The following WDR20 variants were observed in gnomAD, a reference collection of about 807,000 sequenced individuals.
WDR20 encodes the protein WD repeat-containing protein 20.
In WDR20, 3 loss-of-function variants were observed where a neutral mutation model predicts 38.7. The ratio of observed to expected loss-of-function variants is 0.08; its 90% confidence interval spans 0.04 to 0.20. The LOEUF (loss-of-function observed/expected upper bound fraction) is 0.20. Ranked by LOEUF, WDR20 falls within the 10% of genes least tolerant of loss-of-function variation. WDR20 has a pLI of 1.00. For synonymous variants in WDR20, 298 were observed against 285.6 expected, an observed-to-expected ratio of 1.04 and a Z score of -0.44; for missense variants, 559 against 727.7, an observed-to-expected ratio of 0.77 and a Z score of 2.67.
Position 102,222,993 on chromosome 14 carries a change from G to C in WDR20, c.*110G>C, listed in dbSNP as rs2064093348. On this transcript the variant is annotated 3_prime_UTR_variant, in exon 4 of 4. Transcript: ENST00000335263. This position sits in a 1 kb window ranked among gnomAD's most constrained non-coding sequence, Gnocchi z 4.4. ...GCCAGCCGGCGGACCTCAGGCGGTGGACGTCGGCGATAGCCGTGTGGACGG... is the reference window on the plus strand; with the variant it reads ...GCCAGCCGGCGGACCTCAGGCGGTGCACGTCGGCGATAGCCGTGTGGACGG... 1 of 1,338,268 alleles carries C rather than the reference G, an allele frequency of 7.5e-7. No homozygotes were observed. The highest frequency in any genetic ancestry group is 1.1e-6 in the Non-Finnish European group (1 of 942,766). The allele number at this position is 1,338,268 out of a possible 1,614,324, so 82.9% of individuals were successfully genotyped here. A position where few individuals can be genotyped will look rare whatever the true frequency, so the allele number is the denominator to read the frequency against.
downstream of WDR20, chr14:102,212,505 C>G (rs566602679): frequency 6.5e-7 from 1 of 1,535,846 alleles, no homozygotes. Flanking sequence ...TGACTGCTGC[C>G]CCTTTCTTTG....
intron 1 of WDR20, among the ~76,000 whole-genome samples, chr14:102,151,382 T>TTTTTTG (rs369867561): frequency 3.1e-4 from 47 of 151,920 alleles, no homozygotes; most frequent in Non-Finnish European, 5.7e-4. Context: ...TAGGAGGTGT[T>TTTTTTG]TTTTTGTTTT....
At chr14:102,186,815 T>TG (rs918900545) in intron 1 of WDR20, among the ~76,000 whole-genome samples, 32 of 151,486 alleles carry the variant, frequency 2.1e-4, no homozygotes, top group African/African-American at 5.8e-4. Flanking sequence ...GCCGGGGTGG[T>TG]GGGGGGCGCC....
chr14:102,186,456 G>T (rs967196187), intron 1 of WDR20, among the ~76,000 whole-genome samples: 2 of 152,116 alleles, frequency 1.3e-5, no homozygotes, highest in African/African-American at 4.8e-5. Context: ...GAAAATTTTG[G>T]TTACATAGTT....
In WDR20 at chr14:102,207,658, C is replaced by T. The variant is rs1444639363; in HGVS notation, c.433-945C>T. Among the ~76,000 whole-genome samples the T allele has an allele frequency of 2.0e-5, 3 of 152,148 alleles. No individual in the cohort carries two copies. The highest frequency in any genetic ancestry group is 2.9e-5 in the Non-Finnish European group (2 of 68,034). On this transcript the variant is annotated intron_variant, in intron 2 of 2. Coordinates refer to ENST00000342702, the MANE Select transcript of WDR20 (RefSeq NM_144574.4). The surrounding 1 kb of genome is among the most constrained non-coding windows in gnomAD (Gnocchi z 5.0). ...GACTTCTGGATGTGTTCTGGTGATG[C>T]GATTTTGCGCTCAGACGGTCCAGAA...
chr14:102,153,005 G>C (rs1415756138), intron 1 of WDR20, among the ~76,000 whole-genome samples: 7 of 152,146 alleles, frequency 4.6e-5, no homozygotes, highest in Non-Finnish European at 1.0e-4. Context: ...AGTATTGGAG[G>C]TGGGGCCTGG....
intron 1 of WDR20, among the ~76,000 whole-genome samples, chr14:102,173,860 T>C (rs956063709): frequency 9.2e-5 from 14 of 152,016 alleles, no homozygotes; most frequent in South Asian, 2.1e-4. Context: ...CTGGCTAACA[T>C]GCTGAAACCC....
At position 102,221,959 on chromosome 14, in the gene WDR20, G is replaced by T. The variant is rs536309404; in HGVS notation, c.1693-871G>T. On this transcript the variant is annotated intron_variant, in intron 3 of 3. Coordinates refer to the WDR20 transcript ENST00000335263. This position sits in a 1 kb window ranked among gnomAD's most constrained non-coding sequence, Gnocchi z 4.8. ...TCTTCATAAATGAACGCCACACTTT[G>T]ATGTAATGTAATTGCTGCTCAATAG... 1.3e-5 allele frequency among the ~76,000 whole-genome samples: 2 copies of T among 152,284 alleles called. No homozygotes were observed. Among genetic ancestry groups the T allele is most frequent in the South Asian group, 2.1e-4 (1 of 4,828 alleles).
intron 1 of WDR20, chr14:102,178,787 A>C (rs1053236614): frequency 6.6e-6 from 1 of 152,060 alleles, no homozygotes; most frequent in Non-Finnish European, 1.5e-5. Context: ...TTTCTATCTC[A>C]TCACAGCTCC....
At chr14:102,205,352 CG>C (rs534269407) in intron 2 of WDR20, among the ~76,000 whole-genome samples, 74 of 151,954 alleles carry the variant, frequency 4.9e-4, no homozygotes, top group Non-Finnish European at 9.1e-4. Context: ...TGGATAAATG[CG>C]TATTCATATT....
At chr14:102,178,708 C>T (rs757758780) in intron 1 of WDR20, among the ~76,000 whole-genome samples, 2 of 151,814 alleles carry the variant, frequency 1.3e-5, no homozygotes, top group Non-Finnish European at 2.9e-5. Context: ...ATTGGTTTAC[C>T]TCACAGCGAA....
chr14:102,139,975 A>G lies in WDR20; in HGVS notation c.52A>G (p.Thr18Ala). The change falls in exon 1 of 3, where the codon ACC (threonine) becomes GCC (alanine). Residue 18 changes from threonine (T) to alanine (A), a missense_variant. Physicochemically the swap from Thr to Ala is moderately conservative, Grantham distance 58 (BLOSUM62 0). Transcript: ENST00000342702. The part of the protein sequence containing the change: ...KEMNEIKTQF[T>A]TREGLYKLLP... Reference sequence around the variant, plus strand: ...GATGAACGAGATTAAGACCCAATTCACCACCCGGGAAGGTCTGTACAAGCT... The same window carrying G: ...GATGAACGAGATTAAGACCCAATTCGCCACCCGGGAAGGTCTGTACAAGCT... 6.2e-7 allele frequency: 1 copy of G among 1,614,144 alleles called. No individual in the cohort carries two copies. Among genetic ancestry groups the G allele is most frequent in the Non-Finnish European group, 8.5e-7 (1 of 1,180,004 alleles).
intron 1 of WDR20, among the ~76,000 whole-genome samples, chr14:102,164,206 A>G (rs2059328494): frequency 6.6e-6 from 1 of 152,112 alleles, no homozygotes; most frequent in Admixed American, 6.5e-5. Flanking sequence ...CCTTAGACTC[A>G]TGACACCTTT....
chr14:102,207,975 C>T lies in WDR20; in HGVS notation c.433-628C>T, dbSNP rs1472962322. Reference sequence around the variant, plus strand: ...TTTCGAGGAGATGCTTATGGAGATGCACGTGGGGCGGTGCATGGGAGTGAG... The same window carrying T: ...TTTCGAGGAGATGCTTATGGAGATGTACGTGGGGCGGTGCATGGGAGTGAG... On this transcript the variant is annotated intron_variant, in intron 2 of 2. Coordinates refer to ENST00000342702, the MANE Select transcript of WDR20 (RefSeq NM_144574.4). This position sits in a 1 kb window ranked among gnomAD's most constrained non-coding sequence, Gnocchi z 5.0. Among the ~76,000 whole-genome samples, 11 of 152,174 alleles carry T rather than the reference C, an allele frequency of 7.2e-5. No individual in the cohort carries two copies.
At chr14:102,185,691 A>G (rs2064492464) in intron 1 of WDR20, among the ~76,000 whole-genome samples, 2 of 152,020 alleles carry the variant, frequency 1.3e-5, no homozygotes, top group Admixed American at 1.3e-4. Flanking sequence ...TTACTGATGG[A>G]GACTGTTTGC....
At chr14:102,224,478 TA>T (rs991359117), downstream of WDR20, 22 of 412,652 alleles carry the variant, frequency 5.3e-5, 1 homozygote, top group Non-Finnish European at 1.0e-4. Flanking sequence ...TTTATTTTTT[TA>T]AAAAATCATA....
chr14:102,222,416 G>A lies in WDR20; in HGVS notation c.1693-414G>A, dbSNP rs369229887. Among the ~76,000 whole-genome samples the A allele has an allele frequency of 3.9e-5, 6 of 152,222 alleles. No homozygotes were observed. The highest frequency in any genetic ancestry group is 1.9e-4 in the East Asian group (1 of 5,202). On this transcript the variant is annotated intron_variant, in intron 3 of 3. Coordinates refer to the WDR20 transcript ENST00000335263. This position sits in a 1 kb window ranked among gnomAD's most constrained non-coding sequence, Gnocchi z 4.4. ...ATCCTTGGAGACAACCCCTGGCTCC[G>A]AGGGACTGGGTGTGCGGTCCAGAAC...
intron 1 of WDR20, among the ~76,000 whole-genome samples, chr14:102,186,856 A>C (rs1475628020): frequency 6.6e-6 from 1 of 152,000 alleles, no homozygotes; most frequent in East Asian, 1.9e-4. Flanking sequence ...AGGCTGAGGC[A>C]GGAGAATGGC....
At chr14:102,165,892 G>A (rs1265337091) in intron 1 of WDR20, among the ~76,000 whole-genome samples, 2 of 151,310 alleles carry the variant, frequency 1.3e-5, no homozygotes, top group Admixed American at 1.3e-4. Flanking sequence ...TGCCTGCCTC[G>A]GCCTCCTGAA....
Sources: allele counts gnomAD v4.1 joint callset (sites outside exome capture counted in the v4.1 genomes callset), GRCh38; gene constraint gnomAD v4.1.1; non-coding constraint Gnocchi (gnomAD v3.1); transcripts MANE v1.5; gene names NCBI Gene and HGNC (gene_info 2026-07-23, HGNC 2026-07-21).